DIAPH2: variants seen among roughly 807,000 people sequenced by gnomAD.
The protein encoded by DIAPH2 is diaphanous related formin 2, also known as protein diaphanous homolog 2.
Under a neutral mutation model 92.7 loss-of-function variants are expected in DIAPH2, and 35 were observed. The ratio of observed to expected loss-of-function variants is 0.38; its 90% confidence interval spans 0.29 to 0.50. The LOEUF (loss-of-function observed/expected upper bound fraction) is 0.50. Ranked by LOEUF, DIAPH2 falls within the 20% of genes least tolerant of loss-of-function variation. The probability of loss-of-function intolerance (pLI) is 0.94; values close to 1 mark genes in which losing one functional copy is unlikely to be tolerated. For synonymous variants in DIAPH2, 301 were observed against 280.4 expected (o/e 1.07, Z -0.73); for missense variants, 701 against 819.5 (o/e 0.86, Z 1.77).
chrX:97,489,010 A>G (rs2070707512), intron 26 of DIAPH2, among the ~76,000 whole-genome samples: 1 of 112,082 alleles, frequency 8.9e-6, no homozygotes, highest in African/African-American at 3.2e-5. Context: ...AAGGGATTGC[A>G]TTGAATCTAT....
chrX:96,993,528 G>C (rs758983618), intron 17 of DIAPH2, among the ~76,000 whole-genome samples: 69 of 111,291 alleles, frequency 6.2e-4, no homozygotes, highest in African/African-American at 2.2e-3. Context: ...AAGAGTGAAG[G>C]GGGAAGTGCT....
intron 1 of DIAPH2, among the ~76,000 whole-genome samples, chrX:96,704,410 C>T (rs937196705): frequency 8.9e-6 from 1 of 111,791 alleles, no homozygotes; most frequent in African/African-American, 3.3e-5. Flanking sequence ...AAAATATTGC[C>T]TGGCCTTTTT....
At chrX:97,552,720 C>T (rs1421588703) in intron 26 of DIAPH2, among the ~76,000 whole-genome samples, 8 of 111,639 alleles carry the variant, frequency 7.2e-5, no homozygotes, top group Non-Finnish European at 1.1e-4. Context: ...AGAAAAATAA[C>T]TTTTAAGTCA....
At chrX:96,726,368 A>C (rs2064020113) in intron 1 of DIAPH2, among the ~76,000 whole-genome samples, 1 of 111,956 alleles carries the variant, frequency 8.9e-6, no homozygotes, top group East Asian at 2.8e-4. Flanking sequence ...TACTACATTG[A>C]GTTTACAGTA....
intron 4 of DIAPH2, among the ~76,000 whole-genome samples, chrX:96,805,808 A>G (rs960644744): frequency 8.9e-6 from 1 of 112,112 alleles, no homozygotes; most frequent in Non-Finnish European, 1.9e-5. Flanking sequence ...AGAAGGTTCA[A>G]TGGAAAATCC....
At position 97,600,876 on chromosome X, in the gene DIAPH2, A is replaced by AGAT. The variant is rs1488039508; in HGVS notation, c.*1561_*1563dup. 8.9e-6 allele frequency: 1 copy of AGAT among 112,324 alleles called. No individual in the cohort carries two copies. Among genetic ancestry groups the AGAT allele is most frequent in the South Asian group, 3.6e-4 (1 of 2,741 alleles). 9.3% of individuals were successfully genotyped at this position (112,324 alleles called of 1,213,427 possible). On this transcript the variant is annotated 3_prime_UTR_variant, in exon 27 of 27. Transcript: ENST00000324765. Reference sequence around the variant, plus strand: ...CAGCCCACAGATGATTCCTTTATATAGATGTATAATGATTCAAACTGCTGC... The same window carrying AGAT: ...CAGCCCACAGATGATTCCTTTATATAGATGATGTATAATGATTCAAACTGCTGC...
At chrX:97,373,210 G>C (rs2069465022) in intron 24 of DIAPH2, among the ~76,000 whole-genome samples, 3 of 111,199 alleles carry the variant, frequency 2.7e-5, no homozygotes, top group Non-Finnish European at 3.8e-5. Context: ...GCATTTTTAA[G>C]AAAATAAATG....
At chrX:97,085,740 T>G (rs1602331616) in intron 19 of DIAPH2, among the ~76,000 whole-genome samples, 1 of 112,109 alleles carries the variant, frequency 8.9e-6, no homozygotes, top group East Asian at 2.8e-4. Context: ...ATTAAATAAT[T>G]AATCAGGAAT....
At chrX:96,827,396 A>G (rs2064822543) in intron 4 of DIAPH2, among the ~76,000 whole-genome samples, 1 of 112,197 alleles carries the variant, frequency 8.9e-6, no homozygotes, top group Non-Finnish European at 1.9e-5. Flanking sequence ...GGCAGAGTTA[A>G]GGAGTTTATT....
intron 26 of DIAPH2, among the ~76,000 whole-genome samples, chrX:97,562,413 G>A (rs1418440395): frequency 9.0e-6 from 1 of 110,504 alleles, no homozygotes; most frequent in Non-Finnish European, 1.9e-5. Context: ...GGCTGAGGCA[G>A]AAGAATCACT....
rs1325441271 is a variant in DIAPH2 at position 97,383,936 on chromosome X, A to G, written c.3037A>G (p.Arg1013Gly). Residue 1013 changes from arginine to glycine, a missense_variant, in exon 25 of 27, where the codon AGA (arginine) becomes GGA (glycine). Physicochemically the swap from Arg to Gly is moderately radical, Grantham distance 125. This residue lies in a region of DIAPH2 where 536 missense variants were observed against 599.3 expected (regional missense o/e 0.89). Transcript: ENST00000324765. ...LEAVRENNKR[R>G]EMEEKTRRAK... is the part of the protein sequence containing the mutation. ...AGCAGTGAGAGAAAACAATAAGAGAAGAGAAATGGAAGAGAAGACCAGGAG... is the reference window on the plus strand; with the variant it reads ...AGCAGTGAGAGAAAACAATAAGAGAGGAGAAATGGAAGAGAAGACCAGGAG... 3.3e-6 allele frequency: 4 copies of G among 1,202,889 alleles called. No homozygotes were observed. The South Asian group carries it at 7.3e-5, about 22-fold the overall frequency.
intron 1 of DIAPH2, among the ~76,000 whole-genome samples, chrX:96,714,348 T>A (rs1036026659): frequency 2.9e-5 from 3 of 102,786 alleles, no homozygotes; most frequent in Admixed American, 1.1e-4. Flanking sequence ...CACCGCAACC[T>A]ACACCTCCCA....
intron 22 of DIAPH2, among the ~76,000 whole-genome samples, chrX:97,238,728 G>T (rs934070136): frequency 1.8e-5 from 2 of 111,170 alleles, no homozygotes; most frequent in Non-Finnish European, 3.8e-5. Context: ...AAACACATTT[G>T]CTTCATTTCC....
chrX:97,274,793 A>T (rs1360187678), intron 23 of DIAPH2, among the ~76,000 whole-genome samples: 1 of 110,670 alleles, frequency 9.0e-6, no homozygotes, highest in African/African-American at 3.3e-5. Flanking sequence ...CCTGTGGCCT[A>T]CCGCAGTGTT....
At chrX:97,524,083 C>G (rs1176837673) in intron 26 of DIAPH2, among the ~76,000 whole-genome samples, 1 of 111,494 alleles carries the variant, frequency 9.0e-6, no homozygotes, top group Admixed American at 9.6e-5. Flanking sequence ...ACTTTGTTTT[C>G]TGAGCATTTA....
At chrX:96,888,549 A>G (rs1253329637) in intron 5 of DIAPH2, among the ~76,000 whole-genome samples, 2 of 94,623 alleles carry the variant, frequency 2.1e-5, no homozygotes, top group African/African-American at 7.9e-5. Context: ...ATACAGATAT[A>G]TATATCTATA....
intron 19 of DIAPH2, among the ~76,000 whole-genome samples, chrX:97,088,380 T>C (rs2066798629): frequency 8.9e-6 from 1 of 112,469 alleles, no homozygotes. Flanking sequence ...TTCTTAATCT[T>C]TTGAAGTGAT....
At chrX:96,722,682 A>G (rs2063996276) in intron 1 of DIAPH2, among the ~76,000 whole-genome samples, 2 of 112,154 alleles carry the variant, frequency 1.8e-5, no homozygotes, top group African/African-American at 6.5e-5. Flanking sequence ...ACAAAACTAT[A>G]TAAGACCCAC....
chrX:97,296,976 C>T (rs937651860), intron 23 of DIAPH2, among the ~76,000 whole-genome samples: 2 of 107,920 alleles, frequency 1.9e-5, no homozygotes, highest in Admixed American at 1.0e-4. Context: ...AGGGTTTCTC[C>T]ATGTTGGTCA....
Sources: allele counts gnomAD v4.1 joint callset (sites outside exome capture counted in the v4.1 genomes callset), GRCh38; gene constraint gnomAD v4.1.1; regional missense constraint gnomAD v4.1.1; transcripts MANE v1.5; gene names NCBI Gene and HGNC (gene_info 2026-07-23, HGNC 2026-07-21).